The following CSPP1 variants were observed in gnomAD, a reference collection of about 807,000 sequenced individuals.
The protein encoded by CSPP1 is centrosome and spindle pole-associated protein 1.
CSPP1 carries 126 observed loss-of-function variants against 164.4 expected under a neutral mutation model. The ratio of observed to expected loss-of-function variants is 0.77; its 90% CI spans 0.66 to 0.89. The LOEUF (loss-of-function observed/expected upper bound fraction) is 0.89, where lower values mean the gene tolerates loss of function less well. CSPP1 is among the 40% of genes least tolerant of loss of function. The pLI is 0.00. For synonymous variants in CSPP1, 472 were observed against 476.7 expected (o/e 0.99, Z 0.13); for missense variants, 1,395 against 1,449.8 (o/e 0.96, Z 0.61).
intron 15 of CSPP1, 50 bp downstream of exon 15, chr8:67,118,871 A>G (rs765659200): frequency 2.4e-6 from 3 of 1,244,994 alleles, no homozygotes; most frequent in South Asian, 2.4e-5. Flanking sequence ...TATTTTGTTA[A>G]GATACACATA....
At chr8:67,159,830 CTT>C (rs35571097) in intron 21 of CSPP1, among the ~76,000 whole-genome samples, 5 of 124,636 alleles carry the variant, frequency 4.0e-5, no homozygotes, top group African/African-American at 1.5e-4. Flanking sequence ...CCTTCTCTCT[CTT>C]TCTTTCTTTC....
At chr8:67,110,775 A>G (rs1816686239) in intron 9 of CSPP1, among the ~76,000 whole-genome samples, 1 of 152,130 alleles carries the variant, frequency 6.6e-6, no homozygotes, top group Non-Finnish European at 1.5e-5. Context: ...GCTCACCTCA[A>G]TTACAATTCT....
intron 28 of CSPP1, among the ~76,000 whole-genome samples, chr8:67,184,093 T>A (rs1563778229): frequency 6.6e-6 from 1 of 152,062 alleles, no homozygotes; most frequent in African/African-American, 2.4e-5. Flanking sequence ...CCTCAGGTGA[T>A]CCCCCGGCCT....
At chr8:67,080,211 C>G (rs1808856429) in intron 3 of CSPP1, among the ~76,000 whole-genome samples, 1 of 152,084 alleles carries the variant, frequency 6.6e-6, no homozygotes, top group African/African-American at 2.4e-5. Flanking sequence ...TAATATAGGT[C>G]AGATTTGGAA....
At chr8:67,066,481 C>A (rs1180832018) in intron 1 of CSPP1, among the ~76,000 whole-genome samples, 1 of 151,892 alleles carries the variant, frequency 6.6e-6, no homozygotes, top group Non-Finnish European at 1.5e-5. Flanking sequence ...AGGTCCTGTT[C>A]CCCTACTCTA....
chr8:67,128,440 G>A (rs575379828), intron 15 of CSPP1, among the ~76,000 whole-genome samples: 1 of 151,702 alleles, frequency 6.6e-6, no homozygotes, highest in African/African-American at 2.4e-5. Flanking sequence ...TCGGGAGGCT[G>A]AGACAGGAGA....
At chr8:67,097,315 T>G (rs1813012928) in intron 7 of CSPP1, among the ~76,000 whole-genome samples, 1 of 152,232 alleles carries the variant, frequency 6.6e-6, no homozygotes, top group Admixed American at 6.5e-5. Flanking sequence ...TTCTTTGTCT[T>G]CTACATTCTG....
At chr8:67,145,521 T>C (rs1297662283) in intron 17 of CSPP1, among the ~76,000 whole-genome samples, 2 of 144,232 alleles carry the variant, frequency 1.4e-5, no homozygotes, top group African/African-American at 5.5e-5. Flanking sequence ...AATTTCTTTC[T>C]TTTTTTTTTG....
intron 2 of CSPP1, among the ~76,000 whole-genome samples, chr8:67,074,602 G>A (rs1236812541): frequency 2.0e-5 from 3 of 152,104 alleles, no homozygotes; most frequent in African/African-American, 7.2e-5. Flanking sequence ...ATGATTATGA[G>A]ACCAGTTCTA....
intron 1 of CSPP1, among the ~76,000 whole-genome samples, chr8:67,073,466 T>G (rs1364070314): frequency 6.6e-6 from 1 of 152,160 alleles, no homozygotes; most frequent in Non-Finnish European, 1.5e-5. Context: ...GAGATAGATA[T>G]TCCAAATTAA....
intron 18 of CSPP1, among the ~76,000 whole-genome samples, chr8:67,152,023 G>A (rs1217763766): frequency 6.7e-6 from 1 of 150,300 alleles, no homozygotes; most frequent in African/African-American, 2.5e-5. Flanking sequence ...GGGAATAGGA[G>A]GTTGCAGTGA....
intron 17 of CSPP1, among the ~76,000 whole-genome samples, chr8:67,140,273 C>T (rs560771955): frequency 2.6e-5 from 4 of 152,090 alleles, no homozygotes; most frequent in South Asian, 2.1e-4. Context: ...TTATTAGAGA[C>T]GGGGTTTCAC....
intron 26 of CSPP1, chr8:67,175,640 T>C (rs549393576): frequency 4.1e-5 from 28 of 687,344 alleles, no homozygotes; most frequent in Non-Finnish European, 7.2e-5. Flanking sequence ...GGTGTATTCA[T>C]GCATGAGAGG....
At chr8:67,163,694 GACATACTGA>G (rs1428843359) in intron 22 of CSPP1, 29 bp from the exon 23 acceptor site, 1 of 1,497,880 alleles carries the variant, frequency 6.7e-7, no homozygotes, top group Non-Finnish European at 9.3e-7. Context: ...GTGTAGGGAA[GACATACTGA>G]ACATGTCTTT....
intron 9 of CSPP1, 64 bp from the exon 10 acceptor site, chr8:67,111,906 CTT>C: frequency 3.2e-6 from 3 of 951,310 alleles, no homozygotes; most frequent in Non-Finnish European, 4.8e-6. Flanking sequence ...TTTTTAAGGA[CTT>C]AACTTTCTAA....
intron 21 of CSPP1, among the ~76,000 whole-genome samples, 195 bp from the exon 22 acceptor site, chr8:67,161,616 T>C (rs1828371120): frequency 6.6e-6 from 1 of 152,238 alleles, no homozygotes; most frequent in African/African-American, 2.4e-5. Context: ...AATCCATTTA[T>C]GTTTATCATA....
chr8:67,161,874 A>G lies in CSPP1; in HGVS notation c.2602A>G (p.Arg868Gly), dbSNP rs891195213. The G allele has an allele frequency of 6.2e-7, 1 of 1,613,440 alleles. No individual in the cohort carries two copies. The highest frequency in any genetic ancestry group is 1.3e-5 in the African/African-American group (1 of 74,916). ...LQNKIASKLQRPPSVDSIIRS... is the reference protein window; with the variant it reads ...LQNKIASKLQGPPSVDSIIRS... ...GAACAAAATTGCAAGCAAACTCCAA[A>G]GACCTCCTTCAGTTGACAGCATCAT... The change falls in exon 22 of 31, where the codon AGA becomes GGA. Residue 868 changes from arginine to glycine, a missense_variant. Physicochemically the swap from Arg to Gly is moderately radical, Grantham distance 125. Transcript: ENST00000678616.
At chr8:67,173,335 G>A (rs914472079) in intron 25 of CSPP1, among the ~76,000 whole-genome samples, 1 of 152,148 alleles carries the variant, frequency 6.6e-6, no homozygotes, top group Non-Finnish European at 1.5e-5. Flanking sequence ...GTAAGGAAAC[G>A]AGATTTCCAG....
intron 15 of CSPP1, among the ~76,000 whole-genome samples, chr8:67,121,162 TCTTTCTTAATTA>T (rs1479098294): frequency 5.3e-5 from 8 of 152,128 alleles, no homozygotes. Flanking sequence ...CCCTTATTTT[TCTTTCTTAATTA>T]CTTTCTTAAT....
Sources: allele counts gnomAD v4.1 joint callset (sites outside exome capture counted in the v4.1 genomes callset), GRCh38; gene constraint gnomAD v4.1.1; transcripts MANE v1.5; gene names NCBI Gene and HGNC (gene_info 2026-07-23, HGNC 2026-07-21).